ATP8B1: variants seen among roughly 807,000 people sequenced by gnomAD.
ATP8B1 encodes the protein phospholipid-transporting ATPase IC.
A neutral mutation model predicts 149.9 loss-of-function variants in ATP8B1; 80 were observed. The ratio of observed to expected loss-of-function variants is 0.53; its 90% CI spans 0.45 to 0.64. The LOEUF is 0.64. ATP8B1 is among the 30% of genes least tolerant of loss of function. ATP8B1 has a pLI of 0.00. For synonymous variants in ATP8B1, 536 were observed against 562.8 expected, an observed-to-expected ratio of 0.95 and a Z score of 0.67; for missense variants, 1,247 against 1,552.6, an observed-to-expected ratio of 0.80 and a Z score of 3.31.
chr18:57,714,871 C>T (rs1202298883), intron 2 of ATP8B1, among the ~76,000 whole-genome samples: 2 of 152,298 alleles, frequency 1.3e-5, no homozygotes, highest in East Asian at 3.9e-4. Flanking sequence ...ATATCTAACT[C>T]TTCAATGCCC....
In ATP8B1 at chr18:57,678,959, G is replaced by A. The variant is rs374401297; in HGVS notation, c.1631-3937C>T. Among the ~76,000 whole-genome samples the A allele has an allele frequency of 1.8e-4, 19 of 105,100 alleles. 1 individual carries two copies. Among genetic ancestry groups the A allele is most frequent in the African/African-American group, 6.1e-4 (17 of 27,694 alleles). The allele number at this position is 105,100 out of a possible 152,430, so 68.9% of individuals were successfully genotyped here. A position where few individuals can be genotyped will look rare whatever the true frequency, so the allele number is the denominator to read the frequency against. On this transcript the variant is annotated intron_variant, in intron 15 of 27. Coordinates refer to ENST00000648908, the MANE Select transcript of ATP8B1 (RefSeq NM_001374385.1). ...AAAAGAGTGTGGTGTTGATGGTATA[G>A]TGGTGAGCATAGCTGCCTTCCAAGC...
At chr18:57,719,672 G>A (rs961472551) in intron 2 of ATP8B1, among the ~76,000 whole-genome samples, 1 of 152,190 alleles carries the variant, frequency 6.6e-6, no homozygotes, top group Middle Eastern at 3.2e-3. Flanking sequence ...AGGCGGCAGC[G>A]AGGCTGGGGG....
intron 15 of ATP8B1, among the ~76,000 whole-genome samples, chr18:57,675,383 TC>T (rs1363990342): frequency 6.6e-6 from 1 of 152,234 alleles, no homozygotes; most frequent in African/African-American, 2.4e-5. Flanking sequence ...TACATTTACA[TC>T]CTGATTATTT....
intron 1 of ATP8B1, among the ~76,000 whole-genome samples, chr18:57,797,059 A>G (rs1274859506): frequency 2.6e-5 from 4 of 152,180 alleles, no homozygotes; most frequent in Non-Finnish European, 4.4e-5. Flanking sequence ...GTGTACATGA[A>G]TCACACCACA....
At chr18:57,673,659 A>G (rs1911405041) in intron 16 of ATP8B1, among the ~76,000 whole-genome samples, 1 of 124,918 alleles carries the variant, frequency 8.0e-6, no homozygotes, top group South Asian at 2.4e-4. Flanking sequence ...ATGAAATTAC[A>G]TATATATAAT....
rs566728161 is a variant in ATP8B1, at chr18:57,759,155, C to CAAAAAA, written c.-25-27329_-25-27324dup. Among the ~76,000 whole-genome samples, 68 of 106,264 alleles carry CAAAAAA rather than the reference C, an allele frequency of 6.4e-4. 2 individuals are homozygous for CAAAAAA. Among genetic ancestry groups the CAAAAAA allele is most frequent in the African/African-American group, 1.4e-3 (38 of 26,878 alleles). 69.7% of individuals were successfully genotyped at this position (106,264 alleles called of 152,430 possible). The stretch of plus-strand genomic sequence containing the variant: ...TGGGCGACAGAACGAGATTCCATCT[C>CAAAAAA]AAAAAAAAAAAAAAAAAAAAAAAAA... On this transcript the variant is annotated intron_variant, in intron 1 of 27. Coordinates refer to ENST00000648908, the MANE Select transcript of ATP8B1 (RefSeq NM_001374385.1).
At chr18:57,757,746 A>C (rs2080098860) in intron 1 of ATP8B1, among the ~76,000 whole-genome samples, 1 of 152,210 alleles carries the variant, frequency 6.6e-6, no homozygotes, top group African/African-American at 2.4e-5. Flanking sequence ...AAACTGTTTC[A>C]GAGTTGCTTT....
chr18:57,668,030 TA>T (rs1341162447), intron 19 of ATP8B1: 1 of 1,240,432 alleles, frequency 8.1e-7, no homozygotes, highest in South Asian at 1.3e-5. Flanking sequence ...TGCCAAGCAA[TA>T]AAATTGGCAA....
At chr18:57,757,984 C>A (rs529452589) in intron 1 of ATP8B1, among the ~76,000 whole-genome samples, 1 of 152,070 alleles carries the variant, frequency 6.6e-6, no homozygotes, top group Non-Finnish European at 1.5e-5. Flanking sequence ...TCCCCTATCC[C>A]TATTATATAT....
chr18:57,683,960 T>C, intron 15 of ATP8B1, 76 bp downstream of exon 15: 1 of 1,550,638 alleles, frequency 6.4e-7, no homozygotes, highest in Non-Finnish European at 8.9e-7. Context: ...TTGACATGCA[T>C]TTGAGCCATA....
At chr18:57,777,438 A>T (rs1206020994) in intron 1 of ATP8B1, among the ~76,000 whole-genome samples, 1 of 152,234 alleles carries the variant, frequency 6.6e-6, no homozygotes, top group Non-Finnish European at 1.5e-5. Context: ...AGAAACATGA[A>T]TATATATGTT....
At chr18:57,698,787 C>A (rs1269902199) in intron 6 of ATP8B1, among the ~76,000 whole-genome samples, 1 of 152,182 alleles carries the variant, frequency 6.6e-6, no homozygotes, top group Non-Finnish European at 1.5e-5. Context: ...TTCAGCCTCC[C>A]TAGGGCATCA....
At chr18:57,728,355 G>A (rs1019350683) in intron 2 of ATP8B1, among the ~76,000 whole-genome samples, 1 of 152,110 alleles carries the variant, frequency 6.6e-6, no homozygotes, top group African/African-American at 2.4e-5. Context: ...AAGAAAGACA[G>A]ATGATGATTA....
chr18:57,788,457 G>C (rs1599240250), intron 1 of ATP8B1, among the ~76,000 whole-genome samples: 1 of 151,814 alleles, frequency 6.6e-6, no homozygotes, highest in Non-Finnish European at 1.5e-5. Context: ...TGGGAGGCTG[G>C]GGCATGAGAA....
intron 1 of ATP8B1, among the ~76,000 whole-genome samples, chr18:57,741,407 T>C (rs1411254503): frequency 6.6e-6 from 1 of 152,230 alleles, no homozygotes. Flanking sequence ...GAAGTTAGCA[T>C]TGACCAACAG....
intron 2 of ATP8B1, 99 bp from the exon 3 acceptor site, chr18:57,706,686 C>A: frequency 1.1e-6 from 1 of 945,488 alleles, no homozygotes; most frequent in Non-Finnish European, 1.7e-6. Context: ...AGTCCTAAAC[C>A]TCCATCCCTC....
At chr18:57,711,741 C>T (rs934328152) in intron 2 of ATP8B1, among the ~76,000 whole-genome samples, 6 of 152,072 alleles carry the variant, frequency 3.9e-5, no homozygotes, top group African/African-American at 1.4e-4. Context: ...CTAAAGTGCA[C>T]GCCATCGTAC....
chr18:57,751,289 G>A (rs2080015870), intron 1 of ATP8B1, among the ~76,000 whole-genome samples: 1 of 152,046 alleles, frequency 6.6e-6, no homozygotes, highest in Non-Finnish European at 1.5e-5. Context: ...CAGGAGACCA[G>A]GCTGGGCAGT....
At chr18:57,668,136 C>T (rs1227823416) in intron 19 of ATP8B1, 4 of 1,359,546 alleles carry the variant, frequency 2.9e-6, no homozygotes, top group Admixed American at 2.2e-5. Context: ...AGAGGGATGG[C>T]CCTTTCAGGA....
Sources: allele counts gnomAD v4.1 joint callset (sites outside exome capture counted in the v4.1 genomes callset), GRCh38; gene constraint gnomAD v4.1.1; transcripts MANE v1.5; gene names NCBI Gene and HGNC (gene_info 2026-07-23, HGNC 2026-07-21).